UTP14A: variants seen among roughly 807,000 people sequenced by gnomAD.
The protein encoded by UTP14A is UTP14A small subunit processome component, also known as U3 small nucleolar RNA-associated protein 14 homolog A.
Under a neutral mutation model 57.2 loss-of-function variants are expected in UTP14A, and 5 were observed. The ratio of observed to expected loss-of-function variants is 0.09; its 90% CI spans 0.05 to 0.18. The LOEUF (loss-of-function observed/expected upper bound fraction) is 0.18. Ranked by LOEUF, UTP14A falls within the 10% of genes least tolerant of loss-of-function variation. The pLI is 1.00. For missense variants in UTP14A, 430 were observed against 562.1 expected, an observed-to-expected ratio of 0.76 and a Z score of 2.38; for synonymous variants, 169 against 210.9, an observed-to-expected ratio of 0.80 and a Z score of 1.72.
At chrX:129,920,821 A>G (rs1285491814) in intron 10 of UTP14A, 69 bp downstream of exon 10, 2 of 1,203,672 alleles carry the variant, frequency 1.7e-6, no homozygotes, top group Non-Finnish European at 2.2e-6. Flanking sequence ...GTTGGGGAAG[A>G]GCCATGAGGA....
At chrX:129,920,419 CA>C (rs1929864335) in intron 8 of UTP14A, 37 bp from the exon 9 acceptor site, 1 of 1,209,717 alleles carries the variant, frequency 8.3e-7, no homozygotes, top group African/African-American at 1.7e-5. Flanking sequence ...ATCCGTGCTT[CA>C]GCTAAATTGC....
chrX:129,913,267 G>T, intron 6 of UTP14A: 1 of 302,044 alleles, frequency 3.3e-6, no homozygotes, highest in Non-Finnish European at 6.6e-6. Flanking sequence ...GGGATAAGCT[G>T]TTTCTGATGT....
intron 11 of UTP14A, chrX:129,921,857 A>G: frequency 3.1e-6 from 1 of 318,946 alleles, no homozygotes; most frequent in Non-Finnish European, 5.4e-6. Flanking sequence ...GAAACCCATA[A>G]TAACTAAACC....
At chrX:129,925,791 C>A in intron 12 of UTP14A, 128 bp from the exon 13 acceptor site, 1 of 838,836 alleles carries the variant, frequency 1.2e-6, no homozygotes. Context: ...TGGTTTGTAT[C>A]GCAAGACCAT....
intron 8 of UTP14A, among the ~76,000 whole-genome samples, chrX:129,920,034 C>T (rs921601070): frequency 9.0e-6 from 1 of 111,359 alleles, no homozygotes; most frequent in African/African-American, 3.3e-5. Context: ...ACTAAAAGTA[C>T]AAAAATTAGC....
chrX:129,913,733 C>T (rs1015607378), intron 6 of UTP14A, among the ~76,000 whole-genome samples: 1 of 112,172 alleles, frequency 8.9e-6, no homozygotes, highest in Non-Finnish European at 1.9e-5. Flanking sequence ...GTAATCCCAG[C>T]ACTTTGGGAG....
chrX:129,908,024 C>T (rs2124186518), intron 2 of UTP14A, 36 bp from the exon 3 acceptor site: 1 of 1,115,757 alleles, frequency 9.0e-7, no homozygotes, highest in Admixed American at 2.3e-5. Context: ...TTTCCCTCCC[C>T]CTCATCCTGA....
At chrX:129,916,253 C>T (rs1929690268) in intron 6 of UTP14A, among the ~76,000 whole-genome samples, 2 of 111,153 alleles carry the variant, frequency 1.8e-5, no homozygotes, top group South Asian at 3.8e-4. Flanking sequence ...TCATAACTTT[C>T]GACTATCACT....
chrX:129,918,766 A>G (rs1383572190), intron 6 of UTP14A, among the ~76,000 whole-genome samples: 1 of 109,864 alleles, frequency 9.1e-6, no homozygotes, highest in Non-Finnish European at 1.9e-5. Context: ...AGTCCCAGCT[A>G]CTCGGGAGGC....
chrX:129,918,396 CAAAA>C (rs766869516), intron 6 of UTP14A, among the ~76,000 whole-genome samples: 2 of 49,483 alleles, frequency 4.0e-5, no homozygotes, highest in Non-Finnish European at 7.9e-5. Context: ...TCTCAGAAAA[CAAAA>C]AAAAAAAAAA....
At chrX:129,908,786 G>C (rs775077214) in intron 4 of UTP14A, 52 bp downstream of exon 4, 3 of 1,123,510 alleles carry the variant, frequency 2.7e-6, no homozygotes, top group Non-Finnish European at 3.7e-6. Flanking sequence ...GAGTTCCAAG[G>C]GCATTGTGTT....
chrX:129,912,697 TAG>T (rs1315579699), intron 6 of UTP14A, among the ~76,000 whole-genome samples: 1 of 111,111 alleles, frequency 9.0e-6, no homozygotes, highest in Non-Finnish European at 1.9e-5. Flanking sequence ...TGGCAATGAC[TAG>T]AACTTCAGCA....
In UTP14A at chrX:129,925,211, G is replaced by T. The variant is rs1461146526; in HGVS notation, c.1749+16G>T. The T allele has an allele frequency of 8.4e-7, 1 of 1,192,507 alleles. No homozygotes were observed. Among genetic ancestry groups the T allele is most frequent in the Non-Finnish European group, 1.1e-6 (1 of 888,057 alleles). ...AGAGGAGCTGGTGAGCAGAGCCAGG[G>T]TGGTGGGCCATTGTTCAGAAAGTGT... On this transcript the variant is annotated intron_variant, in intron 12 of 14. Coordinates refer to ENST00000394422, the MANE Select transcript of UTP14A (RefSeq NM_006649.4).
intron 14 of UTP14A, among the ~76,000 whole-genome samples, chrX:129,928,667 T>C (rs1247915198): frequency 9.1e-6 from 1 of 110,297 alleles, no homozygotes; most frequent in African/African-American, 3.3e-5. Context: ...GGCAGGAGAA[T>C]GGCGTGAACC....
Position 129,924,785 on chromosome X carries a change from T to C in UTP14A, c.1349-10T>C, listed in dbSNP as rs12007758. The C allele has an allele frequency of 1.0e-3, 1,209 of 1,188,237 alleles. 4 individuals are homozygous for C. In the African/African-American group the frequency reaches 0.019, roughly 19 times the overall value. On this transcript the variant is annotated splice_polypyrimidine_tract_variant and intron_variant, in intron 11 of 14. Coordinates refer to ENST00000394422, the MANE Select transcript of UTP14A (RefSeq NM_006649.4). ...CATTTTCTGACAGTTTTCATTCTTT[T>C]TTCCCCCAGATTCTGGCAGCCAGGA...
At chrX:129,919,803 G>A (rs994863065) in intron 8 of UTP14A, among the ~76,000 whole-genome samples, 4 of 111,709 alleles carry the variant, frequency 3.6e-5, no homozygotes, top group Non-Finnish European at 7.5e-5. Flanking sequence ...TTGTTCGGCC[G>A]GGTGTGGTGG....
intron 8 of UTP14A, among the ~76,000 whole-genome samples, chrX:129,919,782 C>G (rs1173265001): frequency 1.8e-5 from 2 of 111,936 alleles, no homozygotes; most frequent in Non-Finnish European, 3.8e-5. Context: ...GCCTTTTTGC[C>G]TCTTTGAAAC....
intron 6 of UTP14A, chrX:129,913,447 GAA>G: frequency 3.0e-6 from 1 of 337,636 alleles, no homozygotes; most frequent in Non-Finnish European, 5.9e-6. Flanking sequence ...GATATGTAGT[GAA>G]AAGTTTGATT....
chrX:129,920,887 G>A lies in UTP14A; in HGVS notation c.954+135G>A, dbSNP rs571494506. On this transcript the variant is annotated intron_variant, in intron 10 of 14. Transcript: ENST00000394422. Reference sequence around the variant, plus strand: ...TCAGAAAAATCTCTAAGGCAGAAAGGAAAATGACCAGGAACAAGGTGGAAA... The same window carrying A: ...TCAGAAAAATCTCTAAGGCAGAAAGAAAAATGACCAGGAACAAGGTGGAAA... 4.2e-4 allele frequency: 475 copies of A among 1,141,591 alleles called. 3 individuals are homozygous for A. In the South Asian group the frequency reaches 9.3e-3, roughly 22 times the overall value. The allele number at this position is 1,141,591 out of a possible 1,213,427, so 94.1% of individuals were successfully genotyped here. A position where few individuals can be genotyped will look rare whatever the true frequency, so the allele number is the denominator to read the frequency against.
Sources: allele counts gnomAD v4.1 joint callset (sites outside exome capture counted in the v4.1 genomes callset), GRCh38; gene constraint gnomAD v4.1.1; transcripts MANE v1.5; gene names NCBI Gene and HGNC (gene_info 2026-07-23, HGNC 2026-07-21).